Variants in TBC1D5 observed in about 807,000 individuals in gnomAD.
TBC1D5 encodes the protein TBC1 domain family, member 5.
A neutral mutation model predicts 100.3 loss-of-function variants in TBC1D5; 75 were observed. The observed-to-expected ratio is 0.75, with a 90% CI of 0.62 to 0.91. TBC1D5 has a LOEUF of 0.91. Among genes scored for constraint, TBC1D5 ranks in the 40% least tolerant of loss-of-function variants. The probability of loss-of-function intolerance (pLI) is 0.00; values close to 1 mark genes in which losing one functional copy is unlikely to be tolerated. For missense variants in TBC1D5, 910 were observed against 942.4 expected, an observed-to-expected ratio of 0.97 and a Z score of 0.45; for synonymous variants, 323 against 325.6, an observed-to-expected ratio of 0.99 and a Z score of 0.09.
intron 3 of TBC1D5, among the ~76,000 whole-genome samples, chr3:17,431,625 T>C (rs2094449238): frequency 6.6e-6 from 1 of 152,136 alleles, no homozygotes; most frequent in African/African-American, 2.4e-5. Context: ...TTCTCATTAA[T>C]TGGTATGCAA....
chr3:17,442,348 C>A (rs570100603), intron 3 of TBC1D5, among the ~76,000 whole-genome samples: 1 of 152,252 alleles, frequency 6.6e-6, no homozygotes, highest in East Asian at 1.9e-4. Flanking sequence ...ATAAGGCTAC[C>A]CTTTTGATAA....
chr3:17,511,464 T>C (rs554390993), intron 2 of TBC1D5, among the ~76,000 whole-genome samples: 15 of 152,120 alleles, frequency 9.9e-5, no homozygotes, highest in South Asian at 4.1e-4. Flanking sequence ...TAAATGACTT[T>C]TGTGTATTTT....
intron 3 of TBC1D5, among the ~76,000 whole-genome samples, chr3:17,433,936 GTAAT>G (rs2094490083): frequency 6.6e-6 from 1 of 152,168 alleles, no homozygotes; most frequent in South Asian, 2.1e-4. Flanking sequence ...CCAAGAGGCA[GTAAT>G]TAAACTGTAA....
intron 1 of TBC1D5, among the ~76,000 whole-genome samples, chr3:17,704,622 C>T: frequency 1.3e-5 from 1 of 77,772 alleles, no homozygotes; most frequent in Non-Finnish European, 2.6e-5. Context: ...ACCAACCTCC[C>T]GGACGGGGCT....
chr3:17,475,945 G>A (rs2095433248), intron 3 of TBC1D5, among the ~76,000 whole-genome samples: 1 of 152,020 alleles, frequency 6.6e-6, no homozygotes, highest in Non-Finnish European at 1.5e-5. Context: ...TGCCAATCTA[G>A]AGGTTATCAT....
At chr3:17,261,027 C>G (rs1437900929) in intron 15 of TBC1D5, among the ~76,000 whole-genome samples, 1 of 152,142 alleles carries the variant, frequency 6.6e-6, no homozygotes, top group Non-Finnish European at 1.5e-5. Flanking sequence ...CTGTACTGGA[C>G]AGCATAAAAT....
At position 17,603,173 on chromosome 3, in the gene TBC1D5, T is replaced by G. The variant is rs1182244514; in HGVS notation, c.-36+20676A>C. Among the ~76,000 whole-genome samples, 4 of 149,846 alleles carry G rather than the reference T, an allele frequency of 2.7e-5. No homozygotes were observed. The East Asian group carries it at 7.8e-4, about 29-fold the overall frequency. On this transcript the variant is annotated intron_variant, in intron 2 of 21. Transcript: ENST00000253692. The stretch of plus-strand genomic sequence containing the variant: ...TTTTTTGGTTTTTTTTTTTTTTTTT[T>G]GAGACAGGGTCTTGCTCTGTCACCC...
At chr3:17,478,028 T>G (rs922851233) in intron 3 of TBC1D5, among the ~76,000 whole-genome samples, 1 of 152,040 alleles carries the variant, frequency 6.6e-6, no homozygotes, top group South Asian at 2.1e-4. Flanking sequence ...GAAATTAAAC[T>G]TGATTAAAGA....
chr3:17,491,727 T>C (rs956321204), intron 3 of TBC1D5, among the ~76,000 whole-genome samples: 4 of 152,236 alleles, frequency 2.6e-5, no homozygotes, highest in African/African-American at 4.8e-5. Flanking sequence ...GATTTCTGCA[T>C]TGATGTTCAT....
intron 15 of TBC1D5, among the ~76,000 whole-genome samples, chr3:17,278,195 C>G (rs2080220768): frequency 6.6e-6 from 1 of 152,130 alleles, no homozygotes; most frequent in African/African-American, 2.4e-5. Context: ...TCAACTTGCC[C>G]CTGCTAACGG....
intron 1 of TBC1D5, among the ~76,000 whole-genome samples, chr3:17,686,742 T>C (rs1310608282): frequency 6.6e-6 from 1 of 152,148 alleles, no homozygotes; most frequent in Non-Finnish European, 1.5e-5. Context: ...GGTTCTCAAC[T>C]AAGGGTGACT....
At chr3:17,613,237 A>T (rs1184248820) in intron 2 of TBC1D5, among the ~76,000 whole-genome samples, 3 of 152,184 alleles carry the variant, frequency 2.0e-5, no homozygotes, top group Non-Finnish European at 1.5e-5. Flanking sequence ...ATGGCTGCAT[A>T]GTATTCCATG....
At chr3:17,391,007 G>A (rs529291470) in intron 8 of TBC1D5, among the ~76,000 whole-genome samples, 143 of 152,078 alleles carry the variant, frequency 9.4e-4, no homozygotes, top group African/African-American at 3.3e-3. Flanking sequence ...GAATGAGAGA[G>A]GAAATTATGT....
chr3:17,296,147 T>C (rs1207595617), intron 14 of TBC1D5, among the ~76,000 whole-genome samples: 1 of 152,220 alleles, frequency 6.6e-6, no homozygotes, highest in Non-Finnish European at 1.5e-5. Flanking sequence ...CATAAATTCT[T>C]GTTTCTAAAA....
chr3:17,242,912 C>G (rs1185651989), intron 16 of TBC1D5, among the ~76,000 whole-genome samples: 2 of 152,062 alleles, frequency 1.3e-5, no homozygotes, highest in African/African-American at 4.8e-5. Flanking sequence ...AAAAGTCATT[C>G]CAAGGCAACT....
intron 17 of TBC1D5, 148 bp downstream of exon 17, chr3:17,238,015 A>T: frequency 1.7e-6 from 2 of 1,167,346 alleles, no homozygotes; most frequent in Non-Finnish European, 2.3e-6. Flanking sequence ...CCAACACGGT[A>T]TCTAGTATTC....
chr3:17,705,733 G>A (rs1216319693), intron 1 of TBC1D5, among the ~76,000 whole-genome samples: 17 of 137,740 alleles, frequency 1.2e-4, no homozygotes, highest in Admixed American at 9.3e-4. Flanking sequence ...ATGGGATGGC[G>A]GCCGGGCGGA....
chr3:17,311,834 TACCACTAGGTGAG>T (rs1418094780), intron 13 of TBC1D5, among the ~76,000 whole-genome samples: 1 of 152,120 alleles, frequency 6.6e-6, no homozygotes, highest in Non-Finnish European at 1.5e-5. Context: ...CACGAAATGA[TACCACTAGGTGAG>T]CATGCTTACA....
chr3:17,596,250 A>T (rs1241045105), intron 2 of TBC1D5, among the ~76,000 whole-genome samples: 2 of 151,618 alleles, frequency 1.3e-5, no homozygotes, highest in African/African-American at 4.8e-5. Flanking sequence ...TAAAATGGAG[A>T]TTCACAATCA....
Sources: gnomAD v4.1 joint callset for allele counts (sites outside exome capture counted in the v4.1 genomes callset) on GRCh38, gnomAD v4.1.1 for gene constraint, MANE v1.5 for transcripts, NCBI Gene and HGNC (gene_info 2026-07-23, HGNC 2026-07-21) for gene names.